Variants in VPS13A observed in about 807,000 individuals in gnomAD.
The protein encoded by VPS13A is intermembrane lipid transfer protein VPS13A.
In VPS13A, 264 loss-of-function variants were observed where a neutral mutation model predicts 390.9. The ratio of observed to expected loss-of-function variants is 0.68; its 90% CI spans 0.61 to 0.75. VPS13A has a LOEUF of 0.75. Ranked by LOEUF, VPS13A falls within the 30% of genes least tolerant of loss-of-function variation. VPS13A has a pLI of 0.00. For synonymous variants in VPS13A, 1,231 were observed against 1,227.1 expected, an observed-to-expected ratio of 1.00 and a Z score of -0.07; for missense variants, 3,409 against 3,733.9, an observed-to-expected ratio of 0.91 and a Z score of 2.27.
chr9:77,383,184 A>T (rs1420574524), intron 68 of VPS13A, among the ~76,000 whole-genome samples: 2 of 152,054 alleles, frequency 1.3e-5, no homozygotes, highest in African/African-American at 2.4e-5. Context: ...TGCATAAAAT[A>T]TACTTCTAAC....
intron 50 of VPS13A, 188 bp downstream of exon 50, chr9:77,340,738 G>T (rs1830765496): frequency 3.1e-6 from 2 of 638,532 alleles, no homozygotes; most frequent in Non-Finnish European, 5.3e-6. Context: ...TAATAATTAG[G>T]TAACTAGGAA....
chr9:77,349,335 A>C (rs1160145737), intron 52 of VPS13A, among the ~76,000 whole-genome samples: 1 of 152,036 alleles, frequency 6.6e-6, no homozygotes, highest in Non-Finnish European at 1.5e-5. Context: ...CAGGGGTTAC[A>C]TGTGCAGGTT....
At chr9:77,248,449 A>T (rs1257549649) in intron 20 of VPS13A, among the ~76,000 whole-genome samples, 1 of 151,160 alleles carries the variant, frequency 6.6e-6, no homozygotes, top group Non-Finnish European at 1.5e-5. Flanking sequence ...CGATCTCCTG[A>T]CCTAGTGATC....
intron 8 of VPS13A, 22 bp from the exon 9 acceptor site, chr9:77,213,212 A>G (rs1187049143): frequency 1.7e-5 from 27 of 1,604,484 alleles, no homozygotes; most frequent in Non-Finnish European, 2.2e-5. Context: ...AAAATGAGAC[A>G]TCTAATAAAT....
At chr9:77,227,974 C>CT (rs1247247605) in intron 16 of VPS13A, 148 bp from the exon 17 acceptor site, 35 of 554,698 alleles carry the variant, frequency 6.3e-5, no homozygotes, top group Non-Finnish European at 7.9e-5. Context: ...AATATTGTCT[C>CT]TTTTTTTGGG....
intron 44 of VPS13A, among the ~76,000 whole-genome samples, 194 bp downstream of exon 44, chr9:77,321,940 T>C (rs1419458434): frequency 6.6e-6 from 1 of 152,000 alleles, no homozygotes; most frequent in Non-Finnish European, 1.5e-5. Context: ...TACTAAAACT[T>C]TGTATTCCAA....
chr9:77,394,266 C>A (rs1218513490), intron 68 of VPS13A, among the ~76,000 whole-genome samples: 1 of 151,900 alleles, frequency 6.6e-6, no homozygotes, highest in East Asian at 1.9e-4. Context: ...GGGGTTTCAC[C>A]ATGTTGCCCA....
chr9:77,198,086 C>G (rs754779286), intron 1 of VPS13A, among the ~76,000 whole-genome samples: 14 of 152,112 alleles, frequency 9.2e-5, no homozygotes, highest in Non-Finnish European at 1.8e-4. Flanking sequence ...CAGGCAGGCT[C>G]TCAGTCTCCA....
intron 55 of VPS13A, 125 bp from the exon 56 acceptor site, chr9:77,357,567 A>T: frequency 2.1e-6 from 2 of 949,130 alleles, no homozygotes; most frequent in Non-Finnish European, 1.6e-6. Context: ...ATGGGATATT[A>T]AGATCTAAAT....
intron 68 of VPS13A, among the ~76,000 whole-genome samples, chr9:77,394,281 A>G (rs1834029438): frequency 6.6e-6 from 1 of 150,544 alleles, no homozygotes; most frequent in African/African-American, 2.4e-5. Context: ...TGCCCAAGCT[A>G]GTCTTGAACT....
At chr9:77,303,780 A>G (rs918329263) in intron 34 of VPS13A, among the ~76,000 whole-genome samples, 3 of 152,122 alleles carry the variant, frequency 2.0e-5, no homozygotes, top group Non-Finnish European at 2.9e-5. Context: ...CTCCACCCAA[A>G]CATCTCAGTG....
At chr9:77,303,939 C>T (rs1435619644) in intron 34 of VPS13A, among the ~76,000 whole-genome samples, 1 of 152,046 alleles carries the variant, frequency 6.6e-6, no homozygotes, top group Non-Finnish European at 1.5e-5. Flanking sequence ...AGACAGTGGC[C>T]TTCCTCTATC....
chr9:77,239,089 A>G (rs1464245679), intron 19 of VPS13A, among the ~76,000 whole-genome samples: 4 of 150,202 alleles, frequency 2.7e-5, no homozygotes, highest in Non-Finnish European at 5.9e-5. Context: ...CCCTTTTGTC[A>G]CCTTGTTCTA....
In VPS13A at chr9:77,407,364, T is replaced by C. The variant is rs41289983; in HGVS notation, c.9400-169T>C. 0.059 allele frequency among the ~76,000 whole-genome samples: 8,932 copies of C among 152,292 alleles called. 376 individuals are homozygous for C. Among genetic ancestry groups the C allele is most frequent in the South Asian group, 0.12 (585 of 4,814 alleles). ...TGTTATTAATAGAATGTAGTCTTTT[T>C]TTCTATTGGTTTTGATTCTTCTTGC... On this transcript the variant is annotated intron_variant, in intron 70 of 71. Transcript: ENST00000360280.
chr9:77,375,190 T>G (rs1180388648), intron 67 of VPS13A, among the ~76,000 whole-genome samples: 1 of 152,176 alleles, frequency 6.6e-6, no homozygotes, highest in African/African-American at 2.4e-5. Context: ...CTTATAATTC[T>G]GTACCCAGGT....
intron 45 of VPS13A, among the ~76,000 whole-genome samples, chr9:77,326,590 A>G (rs1830030184): frequency 6.7e-6 from 1 of 150,080 alleles, no homozygotes; most frequent in African/African-American, 2.5e-5. Flanking sequence ...TTTATTTTCC[A>G]TTGTCTCTTT....
At chr9:77,258,432 T>C (rs867418569) in intron 22 of VPS13A, among the ~76,000 whole-genome samples, 17 of 152,296 alleles carry the variant, frequency 1.1e-4, no homozygotes, top group African/African-American at 3.4e-4. Flanking sequence ...AGACCCACAC[T>C]CTTTTTTGTT....
chr9:77,242,215 ATT>A (rs1353745827), intron 19 of VPS13A, among the ~76,000 whole-genome samples: 18 of 152,144 alleles, frequency 1.2e-4, no homozygotes, highest in African/African-American at 4.3e-4. Flanking sequence ...CTTTATCCTT[ATT>A]GGTAGATATG....
intron 31 of VPS13A, among the ~76,000 whole-genome samples, chr9:77,289,710 G>A (rs1357733323): frequency 2.6e-5 from 4 of 151,558 alleles, no homozygotes; most frequent in African/African-American, 9.7e-5. Context: ...TTTCTTCATT[G>A]CAACTCTTTC....
Sources: gnomAD v4.1 joint callset for allele counts (sites outside exome capture counted in the v4.1 genomes callset) on GRCh38, gnomAD v4.1.1 for gene constraint, MANE v1.5 for transcripts, NCBI Gene and HGNC (gene_info 2026-07-23, HGNC 2026-07-21) for gene names.